ACBD6: variants seen among roughly 807,000 people sequenced by gnomAD.
ACBD6 encodes the protein acyl-CoA binding domain containing 6.
A neutral mutation model predicts 37.2 loss-of-function variants in ACBD6; 28 were observed. That is an observed-to-expected ratio of 0.75 (90% CI 0.56 to 1.03). ACBD6 has a LOEUF of 1.03. Ranked by LOEUF, ACBD6 falls within the 50% of genes least tolerant of loss-of-function variation. The pLI is 0.00. For missense variants in ACBD6, 340 were observed against 337.4 expected (o/e 1.01, Z -0.06); for synonymous variants, 113 against 126.8 (o/e 0.89, Z 0.73).
chr1:180,477,767 C>A (rs1261254825), intron 3 of ACBD6, among the ~76,000 whole-genome samples: 2 of 152,024 alleles, frequency 1.3e-5, no homozygotes, highest in African/African-American at 4.8e-5. Flanking sequence ...CATCATAATT[C>A]AATTAATCTA....
chr1:180,305,266 A>C (rs1390277648), intron 7 of ACBD6, among the ~76,000 whole-genome samples: 1 of 152,226 alleles, frequency 6.6e-6, no homozygotes, highest in Non-Finnish European at 1.5e-5. Flanking sequence ...TAATTAAACT[A>C]AAGAGCTTCT....
intron 2 of ACBD6, among the ~76,000 whole-genome samples, chr1:180,495,046 T>C (rs962578173): frequency 6.6e-6 from 1 of 152,032 alleles, no homozygotes; most frequent in Non-Finnish European, 1.5e-5. Flanking sequence ...GACAGGGAGA[T>C]AAAACTGGGA....
At chr1:180,425,643 T>C (rs1282074737) in intron 4 of ACBD6, among the ~76,000 whole-genome samples, 1 of 152,232 alleles carries the variant, frequency 6.6e-6, no homozygotes, top group African/African-American at 2.4e-5. Context: ...AATCTTTAAG[T>C]AGATTTGTTA....
chr1:180,468,464 A>G (rs1342747034), intron 3 of ACBD6, among the ~76,000 whole-genome samples: 1 of 152,220 alleles, frequency 6.6e-6, no homozygotes, highest in Admixed American at 6.5e-5. Flanking sequence ...ACACTCCACT[A>G]AAGATGCGTG....
intron 3 of ACBD6, among the ~76,000 whole-genome samples, chr1:180,463,170 A>T (rs1650215595): frequency 1.3e-5 from 2 of 152,208 alleles, no homozygotes; most frequent in South Asian, 4.1e-4. Flanking sequence ...AGAAATAGAG[A>T]ACCAAGGGCA....
At chr1:180,440,378 G>T (rs1649232800) in intron 3 of ACBD6, among the ~76,000 whole-genome samples, 1 of 152,072 alleles carries the variant, frequency 6.6e-6, no homozygotes, top group South Asian at 2.1e-4. Context: ...CAAAGTATTG[G>T]GATTACAGGC....
chr1:180,408,047 A>G (rs1647698136), intron 5 of ACBD6, among the ~76,000 whole-genome samples: 1 of 152,214 alleles, frequency 6.6e-6, no homozygotes, highest in South Asian at 2.1e-4. Flanking sequence ...AATATCAGAT[A>G]AACATAAAGA....
intron 6 of ACBD6, among the ~76,000 whole-genome samples, chr1:180,331,490 G>T (rs79801413): frequency 0.02 from 3,000 of 152,164 alleles, 100 homozygotes; most frequent in African/African-American, 0.067. Context: ...GATATCATAG[G>T]ACTTTGCCAA....
At chr1:180,363,906 C>T (rs1252572218) in intron 6 of ACBD6, among the ~76,000 whole-genome samples, 1 of 152,140 alleles carries the variant, frequency 6.6e-6, no homozygotes, top group Non-Finnish European at 1.5e-5. Flanking sequence ...ACAGCTCATA[C>T]CCTTTACTGA....
In ACBD6 at chr1:180,397,449, G is replaced by T. The variant is rs893000037; in HGVS notation, c.663+67C>A. The T allele has an allele frequency of 1.3e-5, 18 of 1,378,120 alleles. No homozygotes were observed. In the African/African-American group the frequency reaches 2.4e-4, roughly 19 times the overall value. The allele number at this position is 1,378,120 out of a possible 1,614,324, so 85.4% of individuals were successfully genotyped here. Reference sequence around the variant, plus strand: ...TGCACATTTCAAAAGAGTTAATCTGGTAAATTTTATGTTATGCGAATTATA... The same window carrying T: ...TGCACATTTCAAAAGAGTTAATCTGTTAAATTTTATGTTATGCGAATTATA... On this transcript the variant is annotated intron_variant, in intron 6 of 7. Transcript: ENST00000367595.
intron 3 of ACBD6, among the ~76,000 whole-genome samples, chr1:180,488,102 G>GTT (rs1258940751): frequency 6.8e-6 from 1 of 146,304 alleles, no homozygotes; most frequent in African/African-American, 2.6e-5. Flanking sequence ...TTGTGTGTGT[G>GTT]TTGTGTGTGT....
At chr1:180,401,662 C>T (rs1277302361) in intron 5 of ACBD6, among the ~76,000 whole-genome samples, 1 of 151,586 alleles carries the variant, frequency 6.6e-6, no homozygotes, top group African/African-American at 2.4e-5. Context: ...GTGCGCGTGC[C>T]TGTAATCCCA....
At chr1:180,316,179 C>A (rs1650791869) in intron 6 of ACBD6, among the ~76,000 whole-genome samples, 1 of 151,990 alleles carries the variant, frequency 6.6e-6, no homozygotes, top group African/African-American at 2.4e-5. Flanking sequence ...GGCAGCCTGA[C>A]AATGTGAAGT....
chr1:180,321,135 GTTCCA>G (rs1307105939), intron 6 of ACBD6, among the ~76,000 whole-genome samples: 7 of 152,062 alleles, frequency 4.6e-5, no homozygotes, highest in African/African-American at 1.7e-4. Flanking sequence ...TCTCTATTCT[GTTCCA>G]TTCATCTATC....
At chr1:180,285,213 A>G (rs1649447028), downstream of ACBD6, among the ~76,000 whole-genome samples, 1 of 152,194 alleles carries the variant, frequency 6.6e-6, no homozygotes, top group Admixed American at 6.5e-5. Context: ...ATTATAAGAA[A>G]CATAAGTTTA....
At chr1:180,408,136 A>G (rs1647701779) in intron 5 of ACBD6, among the ~76,000 whole-genome samples, 1 of 152,236 alleles carries the variant, frequency 6.6e-6, no homozygotes, top group East Asian at 1.9e-4. Flanking sequence ...AAGCAAAAAA[A>G]CAAATGTTTG....
intron 3 of ACBD6, among the ~76,000 whole-genome samples, chr1:180,459,401 T>A (rs904488375): frequency 6.6e-6 from 1 of 152,182 alleles, no homozygotes; most frequent in Admixed American, 6.5e-5. Flanking sequence ...AAATATTCAA[T>A]TCTAGCATAG....
chr1:180,452,023 A>C (rs1395875540), intron 3 of ACBD6, among the ~76,000 whole-genome samples: 1 of 152,256 alleles, frequency 6.6e-6, no homozygotes, highest in Non-Finnish European at 1.5e-5. Context: ...AATGAAATTA[A>C]GGCAGAAATA....
intron 4 of ACBD6, among the ~76,000 whole-genome samples, chr1:180,420,579 C>G (rs530443949): frequency 2.6e-5 from 4 of 152,212 alleles, no homozygotes; most frequent in Admixed American, 2.6e-4. Context: ...CAGTAGATGC[C>G]TTCAGTGTTG....
Sources: allele counts gnomAD v4.1 joint callset (sites outside exome capture counted in the v4.1 genomes callset), GRCh38; gene constraint gnomAD v4.1.1; transcripts MANE v1.5; gene names NCBI Gene and HGNC (gene_info 2026-07-23, HGNC 2026-07-21).